ECHDC3: variants seen among roughly 807,000 people sequenced by gnomAD.
ECHDC3 encodes the protein enoyl-CoA hydratase domain containing 3.
ECHDC3 carries 20 observed loss-of-function variants against 17.9 expected under a neutral mutation model. The observed-to-expected ratio is 1.12, with a 90% confidence interval of 0.79 to 1.63. The LOEUF (loss-of-function observed/expected upper bound fraction) is 1.63, where lower values mean the gene tolerates loss of function less well. Ranked by LOEUF, ECHDC3 falls within the 40% of genes most tolerant of loss-of-function variation. The pLI is 0.00. For synonymous variants in ECHDC3, 177 were observed against 149.7 expected (o/e 1.18, Z -1.33); for missense variants, 407 against 357.7 (o/e 1.14, Z -1.11).
Position 11,763,105 on chromosome 10 carries a change from G to C in ECHDC3, c.592-119G>C, listed in dbSNP as rs1006025571. On this transcript the variant is annotated intron_variant, in intron 4 of 4. Coordinates refer to ENST00000379215, the MANE Select transcript of ECHDC3 (RefSeq NM_024693.5). The surrounding 1 kb of genome is among the most constrained non-coding windows in gnomAD (Gnocchi z 4.9). Reference sequence around the variant, plus strand: ...GGGCAGGAGTTAGGGCACTGAAGACGTCAGGGCTGGCGGATGACGTGGTAT... The same window carrying C: ...GGGCAGGAGTTAGGGCACTGAAGACCTCAGGGCTGGCGGATGACGTGGTAT... 2 of 621,128 alleles carry C rather than the reference G, an allele frequency of 3.2e-6. No individual in the cohort carries two copies. The highest frequency in any genetic ancestry group is 2.9e-6 in the Non-Finnish European group (1 of 343,860). 38.5% of individuals were successfully genotyped at this position (621,128 alleles called of 1,614,324 possible). A position where few individuals can be genotyped will look rare whatever the true frequency, so the allele number is the denominator to read the frequency against.
At chr10:11,751,022 G>A (rs961259586) in intron 3 of ECHDC3, among the ~76,000 whole-genome samples, 8 of 152,206 alleles carry the variant, frequency 5.3e-5, no homozygotes, top group African/African-American at 1.9e-4. Flanking sequence ...AGTTAGAGCC[G>A]AGACCTGGGT....
chr10:11,744,909 C>A (rs920838610), intron 1 of ECHDC3, among the ~76,000 whole-genome samples: 1 of 152,192 alleles, frequency 6.6e-6, no homozygotes, highest in African/African-American at 2.4e-5. Context: ...TCAGAGGCAG[C>A]TGTTGACATC....
At chr10:11,743,898 C>T (rs2133784977) in intron 1 of ECHDC3, among the ~76,000 whole-genome samples, 1 of 152,348 alleles carries the variant, frequency 6.6e-6, no homozygotes, top group Middle Eastern at 3.4e-3. Flanking sequence ...AAATATGAAT[C>T]AGCAAAGGTG....
intron 1 of ECHDC3, 51 bp downstream of exon 1, chr10:11,742,797 G>C (rs1832711009): frequency 4.1e-6 from 5 of 1,224,104 alleles, no homozygotes; most frequent in Non-Finnish European, 5.1e-6. Context: ...GTCGGGGTCA[G>C]GGCGCCGCCA....
Position 11,742,790 on chromosome 10 carries a change from G to A in ECHDC3, c.170+44G>A, listed in dbSNP as rs985649911. The A allele has an allele frequency of 1.2e-4, 149 of 1,223,984 alleles. No homozygotes were observed. In the African/African-American group the frequency reaches 2.2e-3, roughly 18 times the overall value. 75.8% of individuals were successfully genotyped at this position (1,223,984 alleles called of 1,614,324 possible). A position where few individuals can be genotyped will look rare whatever the true frequency, so the allele number is the denominator to read the frequency against. ...GGGCTCCTCGCGTTGGTGCCGAGTC[G>A]GGGTCAGGGCGCCGCCATTGACCCG... On this transcript the variant is annotated intron_variant, in intron 1 of 4. Transcript: ENST00000379215.
intron 4 of ECHDC3, chr10:11,755,859 T>C (rs142547777): frequency 3.2e-4 from 153 of 475,688 alleles, no homozygotes; most frequent in Middle Eastern, 2.7e-3. Context: ...ATTTCCATCA[T>C]GCGTACCCTC....
In ECHDC3 at chr10:11,763,828, A is replaced by C. The variant is rs945500436; in HGVS notation, c.*284A>C. The stretch of plus-strand genomic sequence containing the variant: ...GGGTGCTCCTTGCAACGTCTTAAGC[A>C]AGCGACCCCCCGACATAGCAAAAGG... On this transcript the variant is annotated 3_prime_UTR_variant, in exon 5 of 5. Coordinates refer to ENST00000379215, the MANE Select transcript of ECHDC3 (RefSeq NM_024693.5). The surrounding 1 kb of genome is among the most constrained non-coding windows in gnomAD (Gnocchi z 4.9). The C allele has an allele frequency of 1.2e-5, 13 of 1,045,582 alleles. No homozygotes were observed. The highest frequency in any genetic ancestry group is 2.5e-5 in the African/African-American group (1 of 40,076). 64.8% of individuals were successfully genotyped at this position (1,045,582 alleles called of 1,614,324 possible). A position where few individuals can be genotyped will look rare whatever the true frequency, so the allele number is the denominator to read the frequency against.
intron 4 of ECHDC3, among the ~76,000 whole-genome samples, chr10:11,759,174 C>T (rs1832917306): frequency 2.6e-5 from 4 of 151,996 alleles, no homozygotes; most frequent in African/African-American, 9.7e-5. Flanking sequence ...GCCAACATGG[C>T]GAAACCTCGT....
chr10:11,759,157 C>T (rs1227303136), intron 4 of ECHDC3, among the ~76,000 whole-genome samples: 1 of 152,150 alleles, frequency 6.6e-6, no homozygotes, highest in Non-Finnish European at 1.5e-5. Flanking sequence ...AGTTCGAGAC[C>T]AACCTGGCCA....
chr10:11,755,295 C>T lies in ECHDC3; in HGVS notation c.391-113C>T, dbSNP rs543142313. The T allele has an allele frequency of 1.3e-5, 13 of 980,950 alleles. No individual in the cohort carries two copies. The Admixed American group carries it at 3.3e-4, about 25-fold the overall frequency. The allele number at this position is 980,950 out of a possible 1,614,324, so 60.8% of individuals were successfully genotyped here. A position where few individuals can be genotyped will look rare whatever the true frequency, so the allele number is the denominator to read the frequency against. ...GAGCCAGGATCTTGCCACTGCACTCCATCCTGGGCAACAGAGTGAGACTCT... is the reference window on the plus strand; with the variant it reads ...GAGCCAGGATCTTGCCACTGCACTCTATCCTGGGCAACAGAGTGAGACTCT... On this transcript the variant is annotated intron_variant, in intron 3 of 4. Coordinates refer to ENST00000379215, the MANE Select transcript of ECHDC3 (RefSeq NM_024693.5).
chr10:11,748,372 G>A (rs1832785248), intron 2 of ECHDC3, among the ~76,000 whole-genome samples: 1 of 152,080 alleles, frequency 6.6e-6, no homozygotes, highest in Non-Finnish European at 1.5e-5. Context: ...GACTATAGGT[G>A]TGTGCCACTA....
intron 4 of ECHDC3, among the ~76,000 whole-genome samples, chr10:11,762,665 T>A (rs1832967429): frequency 6.6e-6 from 1 of 152,112 alleles, no homozygotes; most frequent in African/African-American, 2.4e-5. Flanking sequence ...AGGGCATCCT[T>A]TCCTTGCCAC....
intron 3 of ECHDC3, among the ~76,000 whole-genome samples, chr10:11,749,844 G>A (rs746498313): frequency 2.3e-4 from 28 of 120,100 alleles, no homozygotes; most frequent in Non-Finnish European, 4.3e-4. Flanking sequence ...CGCCCAGGCT[G>A]GAGTGCAGTG....
At chr10:11,751,712 G>A (rs1390227579) in intron 3 of ECHDC3, among the ~76,000 whole-genome samples, 3 of 152,204 alleles carry the variant, frequency 2.0e-5, no homozygotes, top group Admixed American at 2.0e-4. Flanking sequence ...AGAAGAACTT[G>A]GCTCTGGAAG....
chr10:11,762,281 C>T (rs1307984629), intron 4 of ECHDC3, among the ~76,000 whole-genome samples: 3 of 152,162 alleles, frequency 2.0e-5, no homozygotes, highest in Non-Finnish European at 2.9e-5. Flanking sequence ...CAGAGGCCTG[C>T]AATGAGGGCG....
At chr10:11,746,126 G>T (rs1260518418) in intron 1 of ECHDC3, among the ~76,000 whole-genome samples, 2 of 152,048 alleles carry the variant, frequency 1.3e-5, no homozygotes, top group Non-Finnish European at 2.9e-5. Flanking sequence ...TCAAGAATTT[G>T]AGACCAGCCT....
rs1304768968 is a variant in ECHDC3, at chr10:11,744,231, A to C, written c.170+1485A>C. On this transcript the variant is annotated intron_variant, in intron 1 of 4. Transcript: ENST00000379215. ...GAGAGGTGACAGCCTGTTCAGGGCC[A>C]CACGGCCAGTAGGTCTCACCAGGGT... Among the ~76,000 whole-genome samples the C allele has an allele frequency of 5.3e-5, 8 of 152,344 alleles. 1 individual carries two copies. The highest frequency in any genetic ancestry group is 4.6e-4 in the Admixed American group (7 of 15,298).
At chr10:11,759,482 G>A (rs1289881668) in intron 4 of ECHDC3, among the ~76,000 whole-genome samples, 3 of 152,020 alleles carry the variant, frequency 2.0e-5, no homozygotes, top group African/African-American at 4.8e-5. Flanking sequence ...CTCACCAGTC[G>A]CTGAGTGCCG....
rs58664530 is a variant in ECHDC3, at chr10:11,756,750, ATTTTTTTTT to A, written c.591+1150_591+1158del. On this transcript the variant is annotated intron_variant, in intron 4 of 4. Coordinates refer to ENST00000379215, the MANE Select transcript of ECHDC3 (RefSeq NM_024693.5). The stretch of plus-strand genomic sequence containing the variant: ...ACACTTACCTTAAACTCATTCAGTA[ATTTTTTTTT>A]TTTTTTTGAAACAGAGTCTCGCTCT... 6.0e-3 allele frequency among the ~76,000 whole-genome samples: 867 copies of A among 144,660 alleles called. 12 individuals carry two copies. Among genetic ancestry groups the A allele is most frequent in the African/African-American group, 0.02 (810 of 39,648 alleles). The allele number at this position is 144,660 out of a possible 152,430, so 94.9% of individuals were successfully genotyped here.
Sources: allele counts gnomAD v4.1 joint callset (sites outside exome capture counted in the v4.1 genomes callset), GRCh38; gene constraint gnomAD v4.1.1; non-coding constraint Gnocchi (gnomAD v3.1); transcripts MANE v1.5; gene names NCBI Gene and HGNC (gene_info 2026-07-23, HGNC 2026-07-21).